The following SYNCRIP variants were observed in gnomAD, a reference collection of about 807,000 sequenced individuals.
SYNCRIP encodes the protein heterogeneous nuclear ribonucleoprotein Q.
In SYNCRIP, 9 loss-of-function variants were observed where a neutral mutation model predicts 68.9. That is an observed-to-expected ratio of 0.13 (90% CI 0.08 to 0.23). The LOEUF (loss-of-function observed/expected upper bound fraction) is 0.23, where lower values mean the gene tolerates loss of function less well. Ranked by LOEUF, SYNCRIP falls within the 10% of genes least tolerant of loss-of-function variation. The probability of loss-of-function intolerance (pLI) is 1.00; values close to 1 mark genes in which losing one functional copy is unlikely to be tolerated. For synonymous variants in SYNCRIP, 258 were observed against 254.0 expected (o/e 1.02, Z -0.15); for missense variants, 414 against 770.6 (o/e 0.54, Z 5.48).
In SYNCRIP at chr6:85,614,559, G is replaced by A; in HGVS notation, c.*197C>T. 1 of 1,285,264 alleles carries A rather than the reference G, an allele frequency of 7.8e-7. No individual in the cohort carries two copies. The highest frequency in any genetic ancestry group is 9.8e-7 in the Non-Finnish European group (1 of 1,019,166). The allele number at this position is 1,285,264 out of a possible 1,614,324, so 79.6% of individuals were successfully genotyped here. Reference sequence around the variant, plus strand: ...TTCAGTATCTAAGAATATCTTTATTGAAAAAAATTAAAAATAAAATCAGTT... The same window carrying A: ...TTCAGTATCTAAGAATATCTTTATTAAAAAAAATTAAAAATAAAATCAGTT... On this transcript the variant is annotated 3_prime_UTR_variant, in exon 11 of 11. Transcript: ENST00000369622.
intron 8 of SYNCRIP, 123 bp from the exon 9 acceptor site, chr6:85,619,540 A>C: frequency 1.1e-6 from 1 of 918,456 alleles, no homozygotes; most frequent in East Asian, 2.9e-5. Context: ...GAATATAAAA[A>C]AAAAAAAAGT....
chr6:85,622,246 G>A (rs746716421), intron 8 of SYNCRIP, among the ~76,000 whole-genome samples: 4 of 151,976 alleles, frequency 2.6e-5, no homozygotes, highest in Non-Finnish European at 4.4e-5. Flanking sequence ...GTGGTGGTGG[G>A]AGCCTGTAAT....
At chr6:85,625,979 C>A (rs1806989600) in intron 6 of SYNCRIP, among the ~76,000 whole-genome samples, 1 of 152,150 alleles carries the variant, frequency 6.6e-6, no homozygotes, top group South Asian at 2.1e-4. Context: ...TGCTGATACA[C>A]ATCTAACAAT....
At chr6:85,619,026 G>T in intron 9 of SYNCRIP, 87 bp from the exon 10 acceptor site, 1 of 1,387,014 alleles carries the variant, frequency 7.2e-7, no homozygotes, top group Non-Finnish European at 1.0e-6. Context: ...TATCATTAAT[G>T]TGGGAAGGAC....
chr6:85,621,187 A>AT (rs1806341366), intron 8 of SYNCRIP, among the ~76,000 whole-genome samples: 1 of 152,140 alleles, frequency 6.6e-6, no homozygotes, highest in Non-Finnish European at 1.5e-5. Context: ...AATCCTAACT[A>AT]TTTTCTCTTC....
intron 6 of SYNCRIP, among the ~76,000 whole-genome samples, chr6:85,627,395 A>T (rs1807182746): frequency 6.6e-6 from 1 of 152,190 alleles, no homozygotes; most frequent in African/African-American, 2.4e-5. Flanking sequence ...ACTATAACAA[A>T]AGTAGTACCT....
chr6:85,608,227 G>A (rs1019831127), downstream of SYNCRIP: 4 of 152,022 alleles, frequency 2.6e-5, no homozygotes, highest in South Asian at 2.1e-4. Context: ...ATCAAAGGGC[G>A]ACAGACCTCT....
intron 1 of SYNCRIP, among the ~76,000 whole-genome samples, chr6:85,641,657 G>A (rs1583326536): frequency 1.3e-5 from 2 of 152,038 alleles, no homozygotes; most frequent in East Asian, 3.9e-4. Flanking sequence ...TTCTTCCTCA[G>A]CACCACCCCT....
intron 10 of SYNCRIP, among the ~76,000 whole-genome samples, chr6:85,616,916 A>T (rs775697920): frequency 6.6e-6 from 1 of 152,214 alleles, no homozygotes; most frequent in African/African-American, 2.4e-5. Context: ...GGATGCTGCT[A>T]AAAGTCCTAC....
downstream of SYNCRIP, chr6:85,609,679 A>G (rs897498298): frequency 6.6e-6 from 1 of 151,970 alleles, no homozygotes; most frequent in Non-Finnish European, 1.5e-5. Flanking sequence ...AACTTTCTGA[A>G]AACTGATAAC....
intron 6 of SYNCRIP, among the ~76,000 whole-genome samples, chr6:85,632,960 C>T (rs1186366321): frequency 7.4e-5 from 11 of 148,900 alleles, no homozygotes; most frequent in East Asian, 2.0e-4. Flanking sequence ...TAATTAAAAC[C>T]GTTTACTTAA....
At chr6:85,617,801 T>C (rs1805952443) in intron 10 of SYNCRIP, among the ~76,000 whole-genome samples, 1 of 152,252 alleles carries the variant, frequency 6.6e-6, no homozygotes, top group African/African-American at 2.4e-5. Flanking sequence ...AAAATTAACC[T>C]TGAATAGTAT....
At chr6:85,611,832 C>T (rs1407250984), downstream of SYNCRIP, 6 of 152,556 alleles carry the variant, frequency 3.9e-5, no homozygotes, top group Non-Finnish European at 7.4e-5. Flanking sequence ...AGCTAAACTA[C>T]AGCCATATAC....
At chr6:85,630,172 T>TA (rs1394690326) in intron 6 of SYNCRIP, among the ~76,000 whole-genome samples, 1 of 151,622 alleles carries the variant, frequency 6.6e-6, no homozygotes, top group Non-Finnish European at 1.5e-5. Flanking sequence ...CCATCCTGGC[T>TA]AACACGGTGA....
At chr6:85,613,916 G>A, downstream of SYNCRIP, 2 of 950,290 alleles carry the variant, frequency 2.1e-6, no homozygotes, top group Non-Finnish European at 2.5e-6. Context: ...ACCTGAATTT[G>A]TCCTTTTATA....
Position 85,635,702 on chromosome 6 carries a change from G to A in SYNCRIP, c.666+1265C>T, listed in dbSNP as rs528537943. Among the ~76,000 whole-genome samples, 1,411 of 149,546 alleles carry A rather than the reference G, an allele frequency of 9.4e-3. 25 individuals are homozygous for A. Among genetic ancestry groups the A allele is most frequent in the African/African-American group, 0.033 (1,339 of 40,240 alleles). The stretch of plus-strand genomic sequence containing the variant: ...GGAGAATCGCTTGAACCTGGGAGGC[G>A]GAGGTTGCAGTGAGCCAAGATCGCA... On this transcript the variant is annotated intron_variant, in intron 6 of 10. Transcript: ENST00000369622.
chr6:85,639,660 T>A (rs1808896358), intron 4 of SYNCRIP, among the ~76,000 whole-genome samples: 1 of 152,068 alleles, frequency 6.6e-6, no homozygotes, highest in Admixed American at 6.6e-5. Flanking sequence ...CCAATATAAA[T>A]ATCAAAACCA....
chr6:85,625,903 CTTGA>C (rs1468158350), intron 6 of SYNCRIP, among the ~76,000 whole-genome samples: 1 of 152,152 alleles, frequency 6.6e-6, no homozygotes, highest in Non-Finnish European at 1.5e-5. Flanking sequence ...ATTTGACATT[CTTGA>C]TTGTCACAAC....
At chr6:85,616,447 T>C (rs1805781151) in intron 10 of SYNCRIP, among the ~76,000 whole-genome samples, 1 of 152,150 alleles carries the variant, frequency 6.6e-6, no homozygotes, top group South Asian at 2.1e-4. Context: ...TGCCACAGCC[T>C]CTCGAGTAGC....
Sources: allele counts gnomAD v4.1 joint callset (sites outside exome capture counted in the v4.1 genomes callset), GRCh38; gene constraint gnomAD v4.1.1; transcripts MANE v1.5; gene names NCBI Gene and HGNC (gene_info 2026-07-23, HGNC 2026-07-21).